KIR3DL3: variants seen among roughly 807,000 people sequenced by gnomAD.
The protein encoded by KIR3DL3 is killer cell immunoglobulin like receptor, three Ig domains and long cytoplasmic tail 3.
In KIR3DL3, 27 loss-of-function variants were observed where a neutral mutation model predicts 34.9. The observed-to-expected ratio is 0.77, with a 90% confidence interval of 0.57 to 1.07. The LOEUF (loss-of-function observed/expected upper bound fraction) is 1.07, where lower values mean the gene tolerates loss of function less well. Ranked by LOEUF, KIR3DL3 falls within the 50% of genes least tolerant of loss-of-function variation. The probability of loss-of-function intolerance (pLI) is 0.00; values close to 1 mark genes in which losing one functional copy is unlikely to be tolerated. For missense variants in KIR3DL3, 681 were observed against 528.5 expected, an observed-to-expected ratio of 1.29 and a Z score of -2.83; for synonymous variants, 217 against 200.2, an observed-to-expected ratio of 1.08 and a Z score of -0.71.
rs1354457598 is a variant in KIR3DL3 at position 54,724,568 on chromosome 19, G to T, written c.34+38G>T. Reference sequence around the variant, plus strand: ...AGGGAATCGAGGGAGGGAGCGCTGGGGTGGAGATCTGGGCCTGGAGTGGAG... The same window carrying T: ...AGGGAATCGAGGGAGGGAGCGCTGGTGTGGAGATCTGGGCCTGGAGTGGAG... On this transcript the variant is annotated intron_variant, in intron 1 of 7. Coordinates refer to ENST00000291860, the MANE Select transcript of KIR3DL3 (RefSeq NM_153443.5). 7.7e-6 allele frequency: 12 copies of T among 1,565,716 alleles called. No homozygotes were observed. The Middle Eastern group carries it at 7.0e-4, about 91-fold the overall frequency.
rs2068196340 is a variant in KIR3DL3 at position 54,726,445 on chromosome 19, G to T, written c.355+108G>T. 5 of 1,381,538 alleles carry T rather than the reference G, an allele frequency of 3.6e-6. No homozygotes were observed. The South Asian group carries it at 6.8e-5, about 19-fold the overall frequency. The allele number at this position is 1,381,538 out of a possible 1,614,324, so 85.6% of individuals were successfully genotyped here. A position where few individuals can be genotyped will look rare whatever the true frequency, so the allele number is the denominator to read the frequency against. ...ATCATCCAGGCCCCGACTGTATTTGGGGTAAAGGGGGATTCAGTACAGAGA... is the reference window on the plus strand; with the variant it reads ...ATCATCCAGGCCCCGACTGTATTTGTGGTAAAGGGGGATTCAGTACAGAGA... On this transcript the variant is annotated intron_variant, in intron 3 of 7. Coordinates refer to ENST00000291860, the MANE Select transcript of KIR3DL3 (RefSeq NM_153443.5).
At position 54,735,771 on chromosome 19, in the gene KIR3DL3, G is replaced by A. The variant is rs1188794007; in HGVS notation, c.1055-49G>A. ...TGTTGGTATCTGCTTATGAAATGAGGACCCAGAAGTGCCCTCCGAGCTGTT... is the reference window on the plus strand; with the variant it reads ...TGTTGGTATCTGCTTATGAAATGAGAACCCAGAAGTGCCCTCCGAGCTGTT... On this transcript the variant is annotated intron_variant, in intron 6 of 7. Coordinates refer to ENST00000291860, the MANE Select transcript of KIR3DL3 (RefSeq NM_153443.5). 157 of 1,603,366 alleles carry A rather than the reference G, an allele frequency of 9.8e-5. 1 individual carries two copies. The East Asian group carries it at 3.0e-3, about 31-fold the overall frequency.
At chr19:54,735,000 C>A (rs2069309484) in intron 5 of KIR3DL3, among the ~76,000 whole-genome samples, 1 of 142,556 alleles carries the variant, frequency 7.0e-6, no homozygotes, top group African/African-American at 2.7e-5. Flanking sequence ...AGAGGCCCAA[C>A]CTCCCACTCT....
Position 54,735,299 on chromosome 19 carries a change from C to T in KIR3DL3, c.996C>T (p.Ile332=), listed in dbSNP as rs1289663915. 2.0e-6 allele frequency: 3 copies of T among 1,505,078 alleles called. No individual in the cohort carries two copies. Among genetic ancestry groups the T allele is most frequent in the South Asian group, 1.1e-5 (1 of 87,390 alleles). The allele number at this position is 1,505,078 out of a possible 1,614,324, so 93.2% of individuals were successfully genotyped here. A position where few individuals can be genotyped will look rare whatever the true frequency, so the allele number is the denominator to read the frequency against. The change falls in exon 6 of 8, where the codon ATC becomes ATT. Residue 332 remains isoleucine, a synonymous_variant. Coordinates refer to ENST00000291860, the MANE Select transcript of KIR3DL3 (RefSeq NM_153443.5). ...LHVLIGTSVV[I]IPFAILLFFL... is the part of the protein sequence containing the mutation. ...TTCTGATTGGGACCTCAGTGGTCAT[C>T]ATCCCCTTTGCTATCCTCCTCTTCT...
chr19:54,731,002 T>G (rs1282118907), intron 5 of KIR3DL3, among the ~76,000 whole-genome samples: 2 of 151,722 alleles, frequency 1.3e-5, no homozygotes, highest in Non-Finnish European at 2.9e-5. Flanking sequence ...GTTTTATGGT[T>G]TTTGTTTTTG....
intron 4 of KIR3DL3, 63 bp from the exon 5 acceptor site, chr19:54,729,430 A>T: frequency 7.3e-7 from 1 of 1,366,390 alleles, no homozygotes; most frequent in Non-Finnish European, 1.0e-6. Context: ...TTCTCAGCTC[A>T]GGTGTGAGGA....
At chr19:54,727,074 C>T (rs779939786) in intron 3 of KIR3DL3, among the ~76,000 whole-genome samples, 2 of 137,388 alleles carry the variant, frequency 1.5e-5, no homozygotes, top group Non-Finnish European at 3.1e-5. Context: ...CCACCAGGCT[C>T]GATCCACATA....
intron 4 of KIR3DL3, among the ~76,000 whole-genome samples, chr19:54,728,864 A>T (rs2068481986): frequency 1.3e-5 from 2 of 150,120 alleles, no homozygotes; most frequent in Non-Finnish European, 3.0e-5. Context: ...ATATAGATAG[A>T]TGAAAGATAA....
At position 54,726,242 on chromosome 19, in the gene KIR3DL3, C is replaced by G; in HGVS notation, c.260C>G (p.Pro87Arg). The G allele has an allele frequency of 2.5e-6, 4 of 1,613,952 alleles. No homozygotes were observed. The highest frequency in any genetic ancestry group is 3.4e-6 in the Non-Finnish European group (4 of 1,179,982). ...RNSFLMGPVT[P>R]AHAGTYRCCS... ...AGCTTTCTCATGGGCCCTGTGACCC[C>G]AGCACATGCAGGGACCTACAGATGT... Residue 87 changes from proline (P) to arginine (R), a missense_variant, in exon 3 of 8, where the codon CCA (proline) becomes CGA (arginine). Transcript: ENST00000291860.
In KIR3DL3 at chr19:54,726,133, T is replaced by C; in HGVS notation, c.151T>C (p.Ser51Pro). ...EGQHVTLQCRSRLGFNEFSLS... is the reference protein window; with the variant it reads ...EGQHVTLQCRPRLGFNEFSLS... ...ACAACATGTGACTCTTCAGTGTCGC[T>C]CTCGTCTTGGGTTTAATGAATTCAG... Residue 51 changes from serine to proline, a missense_variant, in exon 3 of 8, where the codon TCT (serine) becomes CCT (proline). By Grantham distance (74) the Ser-to-Pro change is moderately conservative. Coordinates refer to ENST00000291860, the MANE Select transcript of KIR3DL3 (RefSeq NM_153443.5). 1 of 1,613,066 alleles carries C rather than the reference T, an allele frequency of 6.2e-7. No homozygotes were observed. The highest frequency in any genetic ancestry group is 1.7e-5 in the Admixed American group (1 of 59,902).
chr19:54,729,736 TGCC>T lies in KIR3DL3; in HGVS notation c.900_902del (p.Pro301del). ...AGATGCTTCGGCTCTTTCCGTGCCC[TGCC>T]CCATGCGTGGTCAGACCCGAGTGAC... On this transcript the variant is annotated inframe_deletion, in exon 5 of 8. Coordinates refer to ENST00000291860, the MANE Select transcript of KIR3DL3 (RefSeq NM_153443.5). 1 of 1,587,762 alleles carries T rather than the reference TGCC, an allele frequency of 6.3e-7. No individual in the cohort carries two copies. Among genetic ancestry groups the T allele is most frequent in the Non-Finnish European group, 8.5e-7 (1 of 1,170,888 alleles).
Position 54,726,155 on chromosome 19 carries a change from T to C in KIR3DL3, c.173T>C (p.Phe58Ser), listed in dbSNP as rs1327223348. 1.9e-6 allele frequency: 3 copies of C among 1,612,856 alleles called. No homozygotes were observed. Among genetic ancestry groups the C allele is most frequent in the Middle Eastern group, 1.6e-4 (1 of 6,080 alleles). Residue 58 changes from phenylalanine to serine, a missense_variant, in exon 3 of 8, where the codon TTC (phenylalanine) becomes TCC (serine). Coordinates refer to ENST00000291860, the MANE Select transcript of KIR3DL3 (RefSeq NM_153443.5). ...CGCTCTCGTCTTGGGTTTAATGAAT[T>C]CAGTCTGTCCAAAGAAGACGGGATG... Reference protein sequence around the residue: ...QCRSRLGFNEFSLSKEDGMPV... With the variant: ...QCRSRLGFNESSLSKEDGMPV...
At chr19:54,724,856 AGTGGAGATATGGGCCTGGAG>A (rs1158887978) in intron 1 of KIR3DL3, among the ~76,000 whole-genome samples, 14 of 124,344 alleles carry the variant, frequency 1.1e-4, no homozygotes, top group Admixed American at 7.4e-4. Context: ...ATGGGCCTAG[AGTGGAGATATGGGCCTGGAG>A]GTGGAGATAT....
At chr19:54,729,077 A>G (rs911989121) in intron 4 of KIR3DL3, among the ~76,000 whole-genome samples, 27 of 149,296 alleles carry the variant, frequency 1.8e-4, no homozygotes, top group African/African-American at 6.6e-4. Flanking sequence ...GATAACAGAG[A>G]GATAGGTCAT....
In KIR3DL3 at chr19:54,725,265, G is replaced by C; in HGVS notation, c.53G>C (p.Gly18Ala). The C allele has an allele frequency of 6.3e-7, 1 of 1,593,840 alleles. No homozygotes were observed. Among genetic ancestry groups the C allele is most frequent in the South Asian group, 1.1e-5 (1 of 87,246 alleles). The part of the protein sequence containing the change: ...MACVGFFLLE[G>A]PWPHVGGQDK... ...TTTCCAGGGTTCTTCTTGCTGGAGGGGCCCTGGCCACATGTGGGTGAGTCC... is the reference window on the plus strand; with the variant it reads ...TTTCCAGGGTTCTTCTTGCTGGAGGCGCCCTGGCCACATGTGGGTGAGTCC... Residue 18 changes from glycine (G) to alanine (A), a missense_variant, in exon 2 of 8, where the codon GGG becomes GCG. Coordinates refer to ENST00000291860, the MANE Select transcript of KIR3DL3 (RefSeq NM_153443.5).
In KIR3DL3 at chr19:54,727,811, ACACC is replaced by A. The variant is rs1228491950; in HGVS notation, c.557_560del (p.Thr186MetfsTer32). 6.2e-6 allele frequency: 10 copies of A among 1,613,762 alleles called. No individual in the cohort carries two copies. In the Admixed American group the frequency reaches 8.3e-5, roughly 13 times the overall value. On this transcript the variant is annotated frameshift_variant, in exon 4 of 8. Transcript: ENST00000291860. LOFTEE classifies it high-confidence loss of function. ...GGTCAACTATTCCATGGGTCCCATG[ACACC>A]TGCCCTTGCAGGGACCTACAGATGC...
At position 54,735,206 on chromosome 19, in the gene KIR3DL3, A is replaced by C. The variant is rs2146882580; in HGVS notation, c.950-47A>C. ...AAGAAATGTGAGACAATTCATATAG[A>C]GGAACTGCTATGATTAGCTTCTTAT... On this transcript the variant is annotated intron_variant, in intron 5 of 7. Transcript: ENST00000291860. 4 of 1,303,088 alleles carry C rather than the reference A, an allele frequency of 3.1e-6. No individual in the cohort carries two copies. The East Asian group carries it at 9.1e-5, about 30-fold the overall frequency. 80.7% of individuals were successfully genotyped at this position (1,303,088 alleles called of 1,614,324 possible). A position where few individuals can be genotyped will look rare whatever the true frequency, so the allele number is the denominator to read the frequency against.
Position 54,736,493 on chromosome 19 carries a change from T to G in KIR3DL3, c.*397T>G. On this transcript the variant is annotated 3_prime_UTR_variant, in exon 8 of 8. Transcript: ENST00000291860. ...AATTCCAAACATATAAGAGGCTCCC[T>G]CTTAACACGGCACTTAGATACGTGC... The G allele has an allele frequency of 8.0e-6, 2 of 250,936 alleles. No individual in the cohort carries two copies. Among genetic ancestry groups the G allele is most frequent in the South Asian group, 7.7e-5 (1 of 13,036 alleles). The allele number at this position is 250,936 out of a possible 1,614,324, so 15.5% of individuals were successfully genotyped here. A position where few individuals can be genotyped will look rare whatever the true frequency, so the allele number is the denominator to read the frequency against.
At chr19:54,728,798 G>T (rs1411240209) in intron 4 of KIR3DL3, among the ~76,000 whole-genome samples, 3 of 150,068 alleles carry the variant, frequency 2.0e-5, no homozygotes, top group African/African-American at 7.3e-5. Flanking sequence ...TAGAGAGACT[G>T]AGAGGCAGAG....
Sources: allele counts gnomAD v4.1 joint callset (sites outside exome capture counted in the v4.1 genomes callset), GRCh38; gene constraint gnomAD v4.1.1; transcripts MANE v1.5; gene names NCBI Gene and HGNC (gene_info 2026-07-23, HGNC 2026-07-21).